The following PTPRS variants were observed in gnomAD, a reference collection of about 807,000 sequenced individuals.
PTPRS encodes the protein receptor-type tyrosine-protein phosphatase S.
A neutral mutation model predicts 215.3 loss-of-function variants in PTPRS; 63 were observed. The ratio of observed to expected loss-of-function variants is 0.29; its 90% CI spans 0.24 to 0.36. The LOEUF (loss-of-function observed/expected upper bound fraction) is 0.36. Ranked by LOEUF, PTPRS falls within the 10% of genes least tolerant of loss-of-function variation. The pLI, the probability that PTPRS is intolerant of heterozygous loss-of-function variation, is 1.00. For missense variants in PTPRS, 2,258 were observed against 2,825.8 expected, an observed-to-expected ratio of 0.80 and a Z score of 4.56; for synonymous variants, 1,404 against 1,191.4, an observed-to-expected ratio of 1.18 and a Z score of -3.68.
rs763889288 is a variant in PTPRS, at chr19:5,287,773, A to C, written c.-94-1539T>G. Among the ~76,000 whole-genome samples the C allele has an allele frequency of 3.3e-5, 5 of 152,270 alleles. No homozygotes were observed. The highest frequency in any genetic ancestry group is 7.4e-5 in the Non-Finnish European group (5 of 68,008). ...CGGGATTCGGGGGGCCTCAGTGTAC[A>C]TAGTTAGGCCACAGGCATACAGTCA... On this transcript the variant is annotated intron_variant, in intron 1 of 37. Coordinates refer to ENST00000262963, the MANE Select transcript of PTPRS (RefSeq NM_002850.4). The surrounding 1 kb of genome is among the most constrained non-coding windows in gnomAD (Gnocchi z 4.8).
chr19:5,262,540 C>A (rs1470997865), intron 6 of PTPRS, among the ~76,000 whole-genome samples: 2 of 152,188 alleles, frequency 1.3e-5, no homozygotes, highest in African/African-American at 4.8e-5. Context: ...ACTCCACGCC[C>A]AGCCCCAGCC....
chr19:5,329,218 G>C (rs115595750), intron 1 of PTPRS, among the ~76,000 whole-genome samples: 1 of 152,096 alleles, frequency 6.6e-6, no homozygotes, highest in African/African-American at 2.4e-5. Flanking sequence ...GGAGTGGAAC[G>C]GACAAAGGGG....
At chr19:5,325,620 C>T (rs1322679637) in intron 1 of PTPRS, among the ~76,000 whole-genome samples, 2 of 152,242 alleles carry the variant, frequency 1.3e-5, no homozygotes, top group African/African-American at 4.8e-5. Context: ...ACAGGCTCTG[C>T]CCAAGGCGTC....
At chr19:5,333,699 T>TA (rs1406904863) in intron 1 of PTPRS, among the ~76,000 whole-genome samples, 1 of 151,858 alleles carries the variant, frequency 6.6e-6, no homozygotes, top group African/African-American at 2.4e-5. Flanking sequence ...CCACTTATGA[T>TA]AGAGGCAATG....
In PTPRS at chr19:5,212,465, G is replaced by A. The variant is rs372574643; in HGVS notation, c.4641C>T (p.Val1547=). 1.3e-6 allele frequency: 2 copies of A among 1,597,368 alleles called. No homozygotes were observed. The highest frequency in any genetic ancestry group is 2.3e-5 in the South Asian group (2 of 88,714). The change falls in exon 31 of 38, where the codon GTC becomes GTT. Residue 1547 remains valine, a synonymous_variant. Coordinates refer to ENST00000262963, the MANE Select transcript of PTPRS (RefSeq NM_002850.4). ...GCCACGCCGTAAACTGGAACTGGCG[G>A]ACCTCGCGTTTCTCACTGGAGCCAT... is the stretch of plus-strand genomic sequence containing the variant. ...HKNGSSEKRE[V]RQFQFTAWPD...
intron 20 of PTPRS, 120 bp downstream of exon 20, chr19:5,220,880 G>T: frequency 8.3e-7 from 1 of 1,202,758 alleles, no homozygotes; most frequent in Non-Finnish European, 1.2e-6. Flanking sequence ...AACTAGGGCT[G>T]ATAGGGTCTG....
chr19:5,212,286 G>A (rs1165708964), intron 31 of PTPRS, 36 bp from the exon 32 acceptor site: 1 of 1,609,114 alleles, frequency 6.2e-7, no homozygotes, highest in Admixed American at 1.7e-5. Context: ...AGGGGCTGCT[G>A]GGCTGCGGGG....
chr19:5,291,676 T>G (rs962219901), intron 1 of PTPRS, among the ~76,000 whole-genome samples: 5 of 152,046 alleles, frequency 3.3e-5, no homozygotes, highest in African/African-American at 4.8e-5. Flanking sequence ...GTCCCCCACC[T>G]GGCACACCCT....
chr19:5,250,727 C>G (rs1313253477), intron 9 of PTPRS, among the ~76,000 whole-genome samples: 2 of 150,956 alleles, frequency 1.3e-5, no homozygotes, highest in Non-Finnish European at 2.9e-5. Flanking sequence ...AAAAACAACT[C>G]AAAAACCGTC....
chr19:5,287,974 A>AGGG lies in PTPRS; in HGVS notation c.-94-1741_-94-1740insCCC, dbSNP rs2048499707. Among the ~76,000 whole-genome samples the AGGG allele has an allele frequency of 9.5e-6, 1 of 105,404 alleles. No individual in the cohort carries two copies. The highest frequency in any genetic ancestry group is 2.0e-5 in the Non-Finnish European group (1 of 49,448). The allele number at this position is 105,404 out of a possible 152,430, so 69.1% of individuals were successfully genotyped here. ...AGGCAGCAGAGACGGGCACACACACACACACACACACACACACACACACAC... is the reference window on the plus strand; with the variant it reads ...AGGCAGCAGAGACGGGCACACACACAGGGCACACACACACACACACACACACAC... On this transcript the variant is annotated intron_variant, in intron 1 of 37. Coordinates refer to ENST00000262963, the MANE Select transcript of PTPRS (RefSeq NM_002850.4). The surrounding 1 kb of genome is among the most constrained non-coding windows in gnomAD (Gnocchi z 4.8).
chr19:5,328,442 T>C (rs1172245285), intron 1 of PTPRS, among the ~76,000 whole-genome samples: 2 of 151,980 alleles, frequency 1.3e-5, no homozygotes, highest in South Asian at 2.1e-4. Context: ...TTCACCATGT[T>C]GCTCAGGCTG....
At position 5,229,586 on chromosome 19, in the gene PTPRS, G is replaced by A; in HGVS notation, c.2254C>T (p.Gln752Ter). 1 of 1,437,388 alleles carries A rather than the reference G, an allele frequency of 7.0e-7. No homozygotes were observed. The highest frequency in any genetic ancestry group is 9.1e-7 in the Non-Finnish European group (1 of 1,095,640). 89.0% of individuals were successfully genotyped at this position (1,437,388 alleles called of 1,614,324 possible). A position where few individuals can be genotyped will look rare whatever the true frequency, so the allele number is the denominator to read the frequency against. The change falls in exon 15 of 38, where the codon CAG becomes TAG. Residue 752 changes from glutamine (Q) to a stop codon, truncating the protein, a stop_gained. Transcript: ENST00000262963. LOFTEE classifies it high-confidence loss of function. ...RSPAPGRQHG[Q>*]IRGYQVHYVR... ...TAGTGGACCTGGTAGCCGCGGATCT[G>A]GCCGTGCTGCCGGCCGGGCGCGGGC...
At chr19:5,328,959 G>A (rs1276541096) in intron 1 of PTPRS, among the ~76,000 whole-genome samples, 1 of 152,204 alleles carries the variant, frequency 6.6e-6, no homozygotes, top group African/African-American at 2.4e-5. Flanking sequence ...GTCATTAGAC[G>A]TGGCAATGCT....
At chr19:5,228,345 G>GAAAAAAAA (rs1491502602) in intron 16 of PTPRS, among the ~76,000 whole-genome samples, 10 of 33,258 alleles carry the variant, frequency 3.0e-4, no homozygotes, top group African/African-American at 6.7e-4. Context: ...ACTCCGTCTG[G>GAAAAAAAA]AGAAAAAAAA....
At chr19:5,318,089 T>C (rs571722925) in intron 1 of PTPRS, among the ~76,000 whole-genome samples, 44 of 151,468 alleles carry the variant, frequency 2.9e-4, no homozygotes, top group Middle Eastern at 3.4e-3. Context: ...GAGAGTGACG[T>C]GAACCTAGGA....
At chr19:5,224,622 T>G (rs1457809715) in intron 17 of PTPRS, among the ~76,000 whole-genome samples, 1 of 152,212 alleles carries the variant, frequency 6.6e-6, no homozygotes, top group African/African-American at 2.4e-5. Context: ...TTGAATGGAC[T>G]GCTATGAATA....
intron 14 of PTPRS, among the ~76,000 whole-genome samples, chr19:5,230,466 A>G (rs1161011559): frequency 1.3e-5 from 2 of 152,038 alleles, no homozygotes; most frequent in African/African-American, 4.8e-5. Flanking sequence ...CTCAGCTAAT[A>G]CGTTTTTGTA....
chr19:5,268,998 G>C (rs935921931), intron 4 of PTPRS, among the ~76,000 whole-genome samples: 1 of 152,194 alleles, frequency 6.6e-6, no homozygotes. Flanking sequence ...GGCTCTGATT[G>C]GCTACTGATG....
intron 15 of PTPRS, 31 bp downstream of exon 15, chr19:5,229,460 G>T: frequency 1.5e-6 from 2 of 1,361,420 alleles, no homozygotes; most frequent in Non-Finnish European, 9.5e-7. Context: ...CCCGGAGCCC[G>T]TCCCCGGCCC....
Sources: gnomAD v4.1 joint callset for allele counts (sites outside exome capture counted in the v4.1 genomes callset) on GRCh38, gnomAD v4.1.1 for gene constraint, Gnocchi (gnomAD v3.1) non-coding constraint, MANE v1.5 for transcripts, NCBI Gene and HGNC (gene_info 2026-07-23, HGNC 2026-07-21) for gene names.